Variants in STIMATE observed in about 807,000 individuals in gnomAD.
STIMATE encodes STIM activating enhancer.
STIMATE carries 15 observed loss-of-function variants against 36.7 expected under a neutral mutation model. The ratio of observed to expected loss-of-function variants is 0.41; its 90% CI spans 0.27 to 0.63. The LOEUF is 0.63. Ranked by LOEUF, STIMATE falls within the 20% of genes least tolerant of loss-of-function variation. The pLI is 0.32. For missense variants in STIMATE, 305 were observed against 397.3 expected (o/e 0.77, Z 1.98); for synonymous variants, 163 against 162.3 (o/e 1.00, Z -0.03).
intron 1 of STIMATE, among the ~76,000 whole-genome samples, chr3:52,870,650 G>A (rs781597604): frequency 1.3e-4 from 20 of 152,210 alleles, no homozygotes; most frequent in Middle Eastern, 6.8e-3. Flanking sequence ...TGCTGCGCGG[G>A]CAGGGTGGCC....
intron 1 of STIMATE, among the ~76,000 whole-genome samples, chr3:52,881,310 GACAA>G (rs1174169304): frequency 6.6e-6 from 1 of 151,890 alleles, no homozygotes; most frequent in African/African-American, 2.4e-5. Flanking sequence ...AAAAGAATAT[GACAA>G]ACCGCCTCTC....
intron 7 of STIMATE, 36 bp downstream of exon 7, chr3:52,842,775 A>G: frequency 1.9e-6 from 3 of 1,612,934 alleles, no homozygotes; most frequent in Non-Finnish European, 2.5e-6. Context: ...CAGCGATACG[A>G]CGGCTTGGGC....
chr3:52,889,955 C>T (rs572765500), intron 1 of STIMATE, among the ~76,000 whole-genome samples: 1 of 152,258 alleles, frequency 6.6e-6, no homozygotes, highest in South Asian at 2.1e-4. Flanking sequence ...GAATACACTG[C>T]CTCTTTGTTC....
intron 1 of STIMATE, among the ~76,000 whole-genome samples, chr3:52,859,502 CAAA>C (rs34298807): frequency 1.9e-4 from 3 of 15,646 alleles, no homozygotes; most frequent in South Asian, 3.8e-3. Flanking sequence ...CCCATTTCTC[CAAA>C]AAAAAAAAAA....
intron 1 of STIMATE, among the ~76,000 whole-genome samples, chr3:52,857,470 C>T (rs569219138): frequency 3.9e-5 from 6 of 152,138 alleles, no homozygotes; most frequent in South Asian, 2.1e-4. Flanking sequence ...TTGGAGGGAA[C>T]GCCCCCAGTC....
chr3:52,858,777 T>C (rs976669869), intron 1 of STIMATE, among the ~76,000 whole-genome samples: 20 of 152,320 alleles, frequency 1.3e-4, no homozygotes, highest in African/African-American at 4.6e-4. Flanking sequence ...TGCAATACTG[T>C]CGTAACTGAA....
chr3:52,870,328 A>G (rs1701380825), intron 1 of STIMATE, among the ~76,000 whole-genome samples: 1 of 152,054 alleles, frequency 6.6e-6, no homozygotes, highest in African/African-American at 2.4e-5. Context: ...AATCATCTAA[A>G]ATGTCACCAT....
intron 1 of STIMATE, among the ~76,000 whole-genome samples, chr3:52,897,063 G>C (rs368476636): frequency 1.3e-5 from 2 of 152,188 alleles, no homozygotes; most frequent in African/African-American, 2.4e-5. Flanking sequence ...CGTCTCAAAA[G>C]ACAGACGTTT....
Position 52,851,516 on chromosome 3 carries a change from C to T in STIMATE, c.305+1087G>A, listed in dbSNP as rs369058441. On this transcript the variant is annotated intron_variant, in intron 3 of 7. Transcript: ENST00000355083. ...GTGCTAGGGTAGGTCAGCAGGAAAACCAGTGAAAAGAGGGAGGGGGCATTT... is the reference window on the plus strand; with the variant it reads ...GTGCTAGGGTAGGTCAGCAGGAAAATCAGTGAAAAGAGGGAGGGGGCATTT... Among the ~76,000 whole-genome samples the T allele has an allele frequency of 4.5e-3, 678 of 152,340 alleles. 4 individuals carry two copies. The highest frequency in any genetic ancestry group is 0.016 in the African/African-American group (648 of 41,574).
chr3:52,892,007 C>A (rs895970130), intron 1 of STIMATE, among the ~76,000 whole-genome samples: 2 of 152,180 alleles, frequency 1.3e-5, no homozygotes, highest in African/African-American at 4.8e-5. Context: ...TGCTCAGGGG[C>A]ACCACATGGC....
chr3:52,884,444 C>A (rs1701660067), intron 1 of STIMATE, among the ~76,000 whole-genome samples: 1 of 152,076 alleles, frequency 6.6e-6, no homozygotes, highest in African/African-American at 2.4e-5. Context: ...CAGGGTTTCA[C>A]CATGTTGGCC....
chr3:52,843,591 G>T, intron 6 of STIMATE, 130 bp downstream of exon 6: 2 of 1,370,680 alleles, frequency 1.5e-6, no homozygotes, highest in Non-Finnish European at 2.0e-6. Flanking sequence ...CTGGGGGTGG[G>T]AGAGGTGGCA....
chr3:52,864,443 G>A (rs942390861), intron 1 of STIMATE, among the ~76,000 whole-genome samples: 12 of 152,240 alleles, frequency 7.9e-5, no homozygotes, highest in African/African-American at 1.7e-4. Flanking sequence ...CCTGACCCAC[G>A]AAACCATTTT....
chr3:52,847,404 G>T, intron 4 of STIMATE: 5 of 1,278,786 alleles, frequency 3.9e-6, no homozygotes, highest in Non-Finnish European at 5.1e-6. Context: ...CCGTGACCCA[G>T]ATGTCAGGGC....
At chr3:52,851,101 C>T (rs1700989912) in intron 3 of STIMATE, among the ~76,000 whole-genome samples, 1 of 152,220 alleles carries the variant, frequency 6.6e-6, no homozygotes, top group South Asian at 2.1e-4. Context: ...GGAGGAGGCT[C>T]TGAAGGGCAT....
chr3:52,889,901 A>T (rs1317609683), intron 1 of STIMATE, among the ~76,000 whole-genome samples: 1 of 152,130 alleles, frequency 6.6e-6, no homozygotes, highest in Non-Finnish European at 1.5e-5. Context: ...GCACCCGTAA[A>T]AGAGGCCTGA....
intron 1 of STIMATE, among the ~76,000 whole-genome samples, chr3:52,888,034 T>C (rs1701722758): frequency 8.5e-6 from 1 of 117,022 alleles, no homozygotes; most frequent in East Asian, 2.9e-4. Context: ...CAGTAATTGA[T>C]GGGGTTTCTC....
intron 1 of STIMATE, among the ~76,000 whole-genome samples, chr3:52,887,994 G>GGTTTTTTTT (rs1701717089): frequency 1.9e-5 from 1 of 52,694 alleles, no homozygotes; most frequent in Non-Finnish European, 3.4e-5. Flanking sequence ...AACAGAATCA[G>GGTTTTTTTT]TTTTTTTTTT....
Position 52,843,814 on chromosome 3 carries a change from G to C in STIMATE, c.541-16C>G, listed in dbSNP as rs1311844174. ...ACAGGGCCACCTGTAAAGAGAAGCAGACTCAGTGAGGTAGGGAGAGGCCAC... is the reference window on the plus strand; with the variant it reads ...ACAGGGCCACCTGTAAAGAGAAGCACACTCAGTGAGGTAGGGAGAGGCCAC... On this transcript the variant is annotated splice_polypyrimidine_tract_variant and intron_variant, in intron 5 of 7. Coordinates refer to ENST00000355083, the MANE Select transcript of STIMATE (RefSeq NM_198563.5). 1 of 1,573,454 alleles carries C rather than the reference G, an allele frequency of 6.4e-7. No homozygotes were observed. The highest frequency in any genetic ancestry group is 8.7e-7 in the Non-Finnish European group (1 of 1,154,744).
Sources: gnomAD v4.1 joint callset for allele counts (sites outside exome capture counted in the v4.1 genomes callset) on GRCh38, gnomAD v4.1.1 for gene constraint, MANE v1.5 for transcripts, NCBI Gene and HGNC (gene_info 2026-07-23, HGNC 2026-07-21) for gene names.